Variants in PEX26 observed in about 807,000 individuals in gnomAD.
The protein encoded by PEX26 is peroxisomal biogenesis factor 26, also known as peroxisome assembly protein 26.
A neutral mutation model predicts 31.4 loss-of-function variants in PEX26; 18 were observed. That is an observed-to-expected ratio of 0.57 (90% CI 0.40 to 0.85). The LOEUF is 0.85. Among genes scored for constraint, PEX26 ranks in the 40% least tolerant of loss-of-function variants. The pLI is 0.00. For missense variants in PEX26, 377 were observed against 383.9 expected (o/e 0.98, Z 0.15); for synonymous variants, 176 against 166.9 (o/e 1.05, Z -0.42).
rs564860003 is a variant in PEX26 at position 18,102,696 on chromosome 22, A to G, written c.*14621A>G. On this transcript the variant is annotated 3_prime_UTR_variant, in exon 5 of 5. Transcript: ENST00000399744. ...GGGCACCAGCCCCTTCATCTTTATC[A>G]TGCCTAATATTGTGAAGGCCATGTG... is the stretch of plus-strand genomic sequence containing the variant. The G allele has an allele frequency of 6.6e-6, 1 of 152,312 alleles. No homozygotes were observed. Among genetic ancestry groups the G allele is most frequent in the South Asian group, 2.1e-4 (1 of 4,814 alleles). The allele number at this position is 152,312 out of a possible 1,614,324, so 9.4% of individuals were successfully genotyped here. A position where few individuals can be genotyped will look rare whatever the true frequency, so the allele number is the denominator to read the frequency against.
rs1927582883 is a variant in PEX26 at position 18,105,313 on chromosome 22, G to C, written c.*17238G>C. ...CATAGCCCAGCTCTAGCTCTTACCA[G>C]TTATGTGATCAGGAATGAGAGTTAA... On this transcript the variant is annotated 3_prime_UTR_variant, in exon 5 of 5. Coordinates refer to ENST00000399744, the MANE Select transcript of PEX26 (RefSeq NM_001127649.3). 6.6e-6 allele frequency: 1 copy of C among 152,178 alleles called. No homozygotes were observed. Among genetic ancestry groups the C allele is most frequent in the African/African-American group, 2.4e-5 (1 of 41,426 alleles). 9.4% of individuals were successfully genotyped at this position (152,178 alleles called of 1,614,324 possible).
At chr22:18,085,609 G>A (rs778515854) in intron 4 of PEX26, among the ~76,000 whole-genome samples, 2 of 152,076 alleles carry the variant, frequency 1.3e-5, no homozygotes, top group Non-Finnish European at 2.9e-5. Context: ...GGTGGCTCAC[G>A]CCTGTAATCC....
chr22:18,083,313 G>A (rs910435458), intron 2 of PEX26, 124 bp from the exon 3 acceptor site: 29 of 977,546 alleles, frequency 3.0e-5, no homozygotes, highest in African/African-American at 2.9e-4. Context: ...TCATTTCATC[G>A]GAAAGGGCTC....
At chr22:18,084,610 T>C (rs1926762656) in intron 3 of PEX26, among the ~76,000 whole-genome samples, 1 of 152,084 alleles carries the variant, frequency 6.6e-6, no homozygotes, top group Non-Finnish European at 1.5e-5. Context: ...TAATATATAG[T>C]CAAAATAAGT....
At position 18,083,851 on chromosome 22, in the gene PEX26, G is replaced by C. The variant is rs143226877; in HGVS notation, c.667+119G>C. On this transcript the variant is annotated intron_variant, in intron 3 of 4. Transcript: ENST00000399744. Reference sequence around the variant, plus strand: ...GCAGTTCTTTGTATGAATAACTCTTGAGTCACAGAATAGGAGGCCTGTTGA... The same window carrying C: ...GCAGTTCTTTGTATGAATAACTCTTCAGTCACAGAATAGGAGGCCTGTTGA... 1.0e-3 allele frequency: 938 copies of C among 928,066 alleles called. 7 individuals carry two copies. The highest frequency in any genetic ancestry group is 2.6e-3 in the African/African-American group (157 of 61,358). 57.5% of individuals were successfully genotyped at this position (928,066 alleles called of 1,614,324 possible). A position where few individuals can be genotyped will look rare whatever the true frequency, so the allele number is the denominator to read the frequency against.
chr22:18,080,775 G>A (rs1425838143), intron 2 of PEX26, among the ~76,000 whole-genome samples: 1 of 152,086 alleles, frequency 6.6e-6, no homozygotes, highest in Non-Finnish European at 1.5e-5. Context: ...TCATTTGTTT[G>A]TGACAGGAAC....
Position 18,090,291 on chromosome 22 carries a change from G to A in PEX26, c.*2216G>A, listed in dbSNP as rs1927036405. On this transcript the variant is annotated 3_prime_UTR_variant, in exon 5 of 5. Coordinates refer to ENST00000399744, the MANE Select transcript of PEX26 (RefSeq NM_001127649.3). ...TAACATCTAAATTCTTCATGGAATT[G>A]AAGGCCCCTATGTGCTGGTTTTGGC... is the stretch of plus-strand genomic sequence containing the variant. 2 of 152,190 alleles carry A rather than the reference G, an allele frequency of 1.3e-5. No individual in the cohort carries two copies. Among genetic ancestry groups the A allele is most frequent in the African/African-American group, 4.8e-5 (2 of 41,442 alleles). 9.4% of individuals were successfully genotyped at this position (152,190 alleles called of 1,614,324 possible). A position where few individuals can be genotyped will look rare whatever the true frequency, so the allele number is the denominator to read the frequency against.
chr22:18,078,952 A>G, intron 1 of PEX26: 1 of 431,230 alleles, frequency 2.3e-6, no homozygotes, highest in East Asian at 5.5e-5. Context: ...GCCCCGCCCA[A>G]GGTTGTTTAT....
At chr22:18,080,906 C>G (rs1926550048) in intron 2 of PEX26, among the ~76,000 whole-genome samples, 1 of 152,128 alleles carries the variant, frequency 6.6e-6, no homozygotes, top group African/African-American at 2.4e-5. Context: ...ACTTTGTACC[C>G]ATTGACGAAC....
intron 1 of PEX26, chr22:18,079,256 G>A: frequency 1.0e-6 from 1 of 985,110 alleles, no homozygotes. Context: ...TCGTCTGGCA[G>A]GTGAGGGAGT....
rs1040121269 is a variant in PEX26, at chr22:18,078,022, G to T, written c.-355G>T. 1 of 475,144 alleles carries T rather than the reference G, an allele frequency of 2.1e-6. No individual in the cohort carries two copies. Among genetic ancestry groups the T allele is most frequent in the South Asian group, 1.6e-5 (1 of 63,914 alleles). The allele number at this position is 475,144 out of a possible 1,614,324, so 29.4% of individuals were successfully genotyped here. On this transcript the variant is annotated 5_prime_UTR_variant, in exon 1 of 5. An upstream start codon of the reference 5' UTR is lost. Transcript: ENST00000399744. The stretch of plus-strand genomic sequence containing the variant: ...TGCGGGGCTGGGCGAGCGCAAAGAT[G>T]TCCGCGCCCGCTGCCGGGAGGCGAG...
At chr22:18,087,865 C>G in intron 4 of PEX26, 107 bp from the exon 5 acceptor site, 1 of 817,988 alleles carries the variant, frequency 1.2e-6, no homozygotes, top group East Asian at 2.4e-5. Context: ...AAAAACAAAA[C>G]AAAACCAACT....
At chr22:18,082,706 G>A (rs1390603069) in intron 2 of PEX26, among the ~76,000 whole-genome samples, 1 of 152,178 alleles carries the variant, frequency 6.6e-6, no homozygotes, top group Non-Finnish European at 1.5e-5. Context: ...GGTTCCATAC[G>A]AATTTCAGGA....
Position 18,088,138 on chromosome 22 carries a change from G to GAGCGACAC in PEX26, c.*65_*72dup. The stretch of plus-strand genomic sequence containing the variant: ...CCGTGGCCACAGAAGCAGAGCGACA[G>GAGCGACAC]AGCGACACATCCACAGGCGCCCCTG... On this transcript the variant is annotated 3_prime_UTR_variant, in exon 5 of 5. Transcript: ENST00000399744. This position sits in a 1 kb window ranked among gnomAD's most constrained non-coding sequence, Gnocchi z 4.1. 9.0e-7 allele frequency: 1 copy of GAGCGACAC among 1,107,238 alleles called. No individual in the cohort carries two copies. Among genetic ancestry groups the GAGCGACAC allele is most frequent in the Non-Finnish European group, 1.4e-6 (1 of 723,920 alleles). The allele number at this position is 1,107,238 out of a possible 1,614,324, so 68.6% of individuals were successfully genotyped here. A position where few individuals can be genotyped will look rare whatever the true frequency, so the allele number is the denominator to read the frequency against.
In PEX26 at chr22:18,088,043, T is replaced by C. The variant is rs143243841; in HGVS notation, c.886T>C (p.Ser296Pro). The C allele has an allele frequency of 1.5e-5, 25 of 1,613,150 alleles. No individual in the cohort carries two copies. The African/African-American group carries it at 3.3e-4, about 22-fold the overall frequency. ...LFRWIRKAAF[S>P]RLYQLRIRD is the part of the protein sequence containing the mutation. ...CCGCTGGATCCGGAAGGCTGCATTTTCTCGCCTCTACCAGCTCCGCATCCG... is the reference window on the plus strand; with the variant it reads ...CCGCTGGATCCGGAAGGCTGCATTTCCTCGCCTCTACCAGCTCCGCATCCG... The change falls in exon 5 of 5, where the codon TCT (serine) becomes CCT (proline). Residue 296 changes from serine (S) to proline (P), a missense_variant. Coordinates refer to ENST00000399744, the MANE Select transcript of PEX26 (RefSeq NM_001127649.3). The surrounding 1 kb of genome is among the most constrained non-coding windows in gnomAD (Gnocchi z 4.1).
At position 18,101,669 on chromosome 22, in the gene PEX26, G is replaced by A. The variant is rs891590646; in HGVS notation, c.*13594G>A. ...GCTCAGAGTAGCTGTGCAATGACTTGTGTCAAAACCCGATCCAGAGCAGCA... is the reference window on the plus strand; with the variant it reads ...GCTCAGAGTAGCTGTGCAATGACTTATGTCAAAACCCGATCCAGAGCAGCA... On this transcript the variant is annotated 3_prime_UTR_variant, in exon 5 of 5. Coordinates refer to ENST00000399744, the MANE Select transcript of PEX26 (RefSeq NM_001127649.3). 4 of 253,472 alleles carry A rather than the reference G, an allele frequency of 1.6e-5. No homozygotes were observed. Among genetic ancestry groups the A allele is most frequent in the Non-Finnish European group, 3.0e-5 (4 of 133,730 alleles). 15.7% of individuals were successfully genotyped at this position (253,472 alleles called of 1,614,324 possible). A position where few individuals can be genotyped will look rare whatever the true frequency, so the allele number is the denominator to read the frequency against.
Position 18,089,181 on chromosome 22 carries a change from G to C in PEX26, c.*1106G>C, listed in dbSNP as rs1295484100. 3 of 152,730 alleles carry C rather than the reference G, an allele frequency of 2.0e-5. No individual in the cohort carries two copies. The highest frequency in any genetic ancestry group is 4.4e-5 in the Non-Finnish European group (3 of 68,160). 9.5% of individuals were successfully genotyped at this position (152,730 alleles called of 1,614,324 possible). On this transcript the variant is annotated 3_prime_UTR_variant, in exon 5 of 5. Coordinates refer to ENST00000399744, the MANE Select transcript of PEX26 (RefSeq NM_001127649.3). The stretch of plus-strand genomic sequence containing the variant: ...TTCTGCCTGTATCCTTGCCTCCTTG[G>C]TACACACCATTTCAGGTTCTTCCCT...
At chr22:18,080,094 T>C (rs1926494098) in intron 2 of PEX26, 80 bp downstream of exon 2, 1 of 1,460,594 alleles carries the variant, frequency 6.8e-7, no homozygotes, top group African/African-American at 1.4e-5. Flanking sequence ...CCTACTCTTT[T>C]CCCCTTCCCT....
intron 2 of PEX26, among the ~76,000 whole-genome samples, chr22:18,081,275 C>T (rs986368163): frequency 1.2e-4 from 17 of 142,122 alleles, no homozygotes; most frequent in African/African-American, 3.5e-4. Flanking sequence ...CACACACACA[C>T]ACACATTATC....
Sources: allele counts gnomAD v4.1 joint callset (sites outside exome capture counted in the v4.1 genomes callset), GRCh38; gene constraint gnomAD v4.1.1; non-coding constraint Gnocchi (gnomAD v3.1); transcripts MANE v1.5; gene names NCBI Gene and HGNC (gene_info 2026-07-23, HGNC 2026-07-21).